Variants in ZNF527 observed in about 807,000 individuals in gnomAD.
The protein encoded by ZNF527 is zinc finger protein 527.
A neutral mutation model predicts 13.5 loss-of-function variants in ZNF527; 5 were observed. The ratio of observed to expected loss-of-function variants is 0.37; its 90% CI spans 0.19 to 0.78. The LOEUF is 0.78. Ranked by LOEUF, ZNF527 falls within the 30% of genes least tolerant of loss-of-function variation. The pLI is 0.48. For synonymous variants in ZNF527, 209 were observed against 243.1 expected (o/e 0.86, Z 1.30); for missense variants, 628 against 726.4 (o/e 0.86, Z 1.56).
intron 3 of ZNF527, 117 bp downstream of exon 3, chr19:37,379,363 C>A: frequency 1.1e-6 from 1 of 949,522 alleles, no homozygotes; most frequent in Non-Finnish European, 1.5e-6. Flanking sequence ...TGCCTTTCTA[C>A]TTCCTGTTCC....
intron 4 of ZNF527, among the ~76,000 whole-genome samples, chr19:37,386,901 G>A (rs915108947): frequency 2.0e-5 from 3 of 152,216 alleles, no homozygotes; most frequent in Non-Finnish European, 4.4e-5. Context: ...AACAGAAGTA[G>A]TTGTATTTCT....
rs74923218 is a variant in ZNF527, at chr19:37,391,569, C to CAA, written c.*1711_*1712dup. On this transcript the variant is annotated 3_prime_UTR_variant, in exon 5 of 5. Coordinates refer to ENST00000436120, the MANE Select transcript of ZNF527 (RefSeq NM_032453.2). ...GGGCAACAAGAGCGAAACTCCTTCT[C>CAA]AAAAAAAAAAAAAAAAAAAAAATAA... The CAA allele has an allele frequency of 6.9e-6, 1 of 145,450 alleles. No individual in the cohort carries two copies. The highest frequency in any genetic ancestry group is 1.5e-5 in the Non-Finnish European group (1 of 66,612). The allele number at this position is 145,450 out of a possible 1,614,324, so 9.0% of individuals were successfully genotyped here.
In ZNF527 at chr19:37,389,779, C is replaced by G. The variant is rs762082534; in HGVS notation, c.1730C>G (p.Ala577Gly). 17 of 1,613,622 alleles carry G rather than the reference C, an allele frequency of 1.1e-5. No individual in the cohort carries two copies. In the South Asian group the frequency reaches 1.9e-4, roughly 18 times the overall value. ...LSLRLHQRIH[A>G]GEKPYKCNEC... Reference sequence around the variant, plus strand: ...CTAAGACTACACCAGAGAATTCACGCTGGAGAAAAACCTTATAAATGTAAC... The same window carrying G: ...CTAAGACTACACCAGAGAATTCACGGTGGAGAAAAACCTTATAAATGTAAC... Residue 577 changes from alanine (A) to glycine (G), a missense_variant, in exon 5 of 5, where the codon GCT becomes GGT. By Grantham distance (60) the Ala-to-Gly change is moderately conservative. Transcript: ENST00000436120.
In ZNF527 at chr19:37,389,777, CG is replaced by C. The variant is rs761364610; in HGVS notation, c.1729del (p.Ala577LeufsTer51). Reference protein sequence around the residue: ...LSLRLHQRIHAGEKPYKCNEC... With the variant: ...LSLRLHQRIHXGEKPYKCNEC... ...CCCTAAGACTACACCAGAGAATTCA[CG>C]CTGGAGAAAAACCTTATAAATGTAA... is the stretch of plus-strand genomic sequence containing the variant. On this transcript the variant is annotated frameshift_variant, in exon 5 of 5. Transcript: ENST00000436120. LOFTEE classifies it low-confidence loss of function (END_TRUNC). The C allele has an allele frequency of 2.0e-5, 32 of 1,613,414 alleles. 1 individual carries two copies. In the South Asian group the frequency reaches 3.2e-4, roughly 16 times the overall value.
At chr19:37,386,140 C>CTTTTTTTTTTTTTTTTTTTTTTTTT (rs1050024983) in intron 4 of ZNF527, among the ~76,000 whole-genome samples, 13 of 72,456 alleles carry the variant, frequency 1.8e-4, no homozygotes, top group Non-Finnish European at 2.3e-4. Flanking sequence ...TCTTCTTTTC[C>CTTTTTTTTTTTTTTTTTTTTTTTTT]TTTTTTTTTT....
intron 4 of ZNF527, among the ~76,000 whole-genome samples, chr19:37,386,510 C>A (rs1395638598): frequency 6.6e-6 from 1 of 152,138 alleles, no homozygotes; most frequent in Non-Finnish European, 1.5e-5. Context: ...AGCCACTAGC[C>A]ACATTTAGCT....
At chr19:37,387,309 C>T (rs940740287) in intron 4 of ZNF527, among the ~76,000 whole-genome samples, 9 of 152,230 alleles carry the variant, frequency 5.9e-5, no homozygotes, top group Admixed American at 3.9e-4. Flanking sequence ...TCATATTCTC[C>T]GAGAATTATT....
At chr19:37,388,216 C>T (rs2040715700) in intron 4 of ZNF527, 90 bp from the exon 5 acceptor site, 1 of 1,457,350 alleles carries the variant, frequency 6.9e-7, no homozygotes, top group Non-Finnish European at 9.3e-7. Flanking sequence ...CCTCCTTCCC[C>T]CCAGTTAAAT....
chr19:37,376,440 A>C (rs2040608319), intron 2 of ZNF527, among the ~76,000 whole-genome samples: 1 of 152,082 alleles, frequency 6.6e-6, no homozygotes, highest in Admixed American at 6.6e-5. Flanking sequence ...TTGGGAGGCT[A>C]AGGCAGGTGG....
chr19:37,382,316 GA>G (rs1208967628), intron 4 of ZNF527, among the ~76,000 whole-genome samples: 1 of 151,646 alleles, frequency 6.6e-6, no homozygotes, highest in Non-Finnish European at 1.5e-5. Flanking sequence ...TAGATAGATA[GA>G]TAGATAGATA....
chr19:37,374,202 G>T lies in ZNF527; in HGVS notation c.4G>T (p.Ala2Ser). 1.2e-6 allele frequency: 2 copies of T among 1,614,010 alleles called. No individual in the cohort carries two copies. Among genetic ancestry groups the T allele is most frequent in the Non-Finnish European group, 1.7e-6 (2 of 1,179,956 alleles). Residue 2 changes from alanine (A) to serine (S), a missense_variant, in exon 2 of 5, where the codon GCT (alanine) becomes TCT (serine). Transcript: ENST00000436120. M[A>S]VGLCKAMSQG... The stretch of plus-strand genomic sequence containing the variant: ...AGAGAAAACTGAAGAAGGAGGAATG[G>T]CTGTGGGGCTTTGTAAAGCCATGTC...
At chr19:37,383,812 C>T (rs1372644352) in intron 4 of ZNF527, among the ~76,000 whole-genome samples, 1 of 152,010 alleles carries the variant, frequency 6.6e-6, no homozygotes, top group East Asian at 1.9e-4. Flanking sequence ...GCTGGGAGTA[C>T]AGGCATGAGC....
At position 37,389,663 on chromosome 19, in the gene ZNF527, C is replaced by T. The variant is rs775499337; in HGVS notation, c.1614C>T (p.Gly538=). ...AATGTGGAAAGGCCTTCAGTTGTGGCTCATATCTTAATCAACATCAAAGAA... is the reference window on the plus strand; with the variant it reads ...AATGTGGAAAGGCCTTCAGTTGTGGTTCATATCTTAATCAACATCAAAGAA... ...CNKCGKAFSC[G]SYLNQHQRIH... The change falls in exon 5 of 5, where the codon GGC becomes GGT. Residue 538 remains glycine (G), a synonymous_variant. Transcript: ENST00000436120. 2 of 1,613,924 alleles carry T rather than the reference C, an allele frequency of 1.2e-6. No individual in the cohort carries two copies. The highest frequency in any genetic ancestry group is 1.3e-5 in the African/African-American group (1 of 74,998).
chr19:37,372,757 G>C (rs2040569619), intron 1 of ZNF527, among the ~76,000 whole-genome samples: 2 of 152,058 alleles, frequency 1.3e-5, no homozygotes, highest in African/African-American at 4.8e-5. Context: ...ACTGGTGTGA[G>C]CCACTGTGCC....
In ZNF527 at chr19:37,388,521, A is replaced by C; in HGVS notation, c.472A>C (p.Thr158Pro). ...AGTGACAGCTGTTAAGGAAATCTCTACTGGGAAAAGAGACAATGAATTTAG... is the reference window on the plus strand; with the variant it reads ...AGTGACAGCTGTTAAGGAAATCTCTCCTGGGAAAAGAGACAATGAATTTAG... ...MQVTAVKEIS[T>P]GKRDNEFSNS... Residue 158 changes from threonine (T) to proline (P), a missense_variant, in exon 5 of 5, where the codon ACT becomes CCT. By Grantham distance (38) the Thr-to-Pro change is conservative. This residue lies in a region of ZNF527 where 592 missense variants were observed against 678.0 expected (regional missense o/e 0.87). Transcript: ENST00000436120. The C allele has an allele frequency of 1.2e-6, 2 of 1,614,178 alleles. No homozygotes were observed. The highest frequency in any genetic ancestry group is 2.7e-5 in the African/African-American group (2 of 75,060).
intron 1 of ZNF527, among the ~76,000 whole-genome samples, chr19:37,371,469 CTG>C (rs1288031955): frequency 6.6e-6 from 1 of 152,038 alleles, no homozygotes; most frequent in African/African-American, 2.4e-5. Context: ...GGGGGTGAAA[CTG>C]TGAATATGTG....
chr19:37,375,964 C>T (rs1391727758), intron 2 of ZNF527, among the ~76,000 whole-genome samples: 1 of 152,146 alleles, frequency 6.6e-6, no homozygotes, highest in Non-Finnish European at 1.5e-5. Flanking sequence ...GATTTGGTAA[C>T]ATGGAAATAT....
At chr19:37,383,903 A>G (rs1418520466) in intron 4 of ZNF527, among the ~76,000 whole-genome samples, 2 of 152,190 alleles carry the variant, frequency 1.3e-5, no homozygotes, top group African/African-American at 4.8e-5. Context: ...GAGTTTTACT[A>G]TATAAACCAA....
chr19:37,380,472 A>G (rs972543530), intron 4 of ZNF527, 100 bp downstream of exon 4: 3 of 947,342 alleles, frequency 3.2e-6, no homozygotes, highest in Non-Finnish European at 4.8e-6. Context: ...GAGAACTGAA[A>G]TCTCCATAGT....
Sources: allele counts gnomAD v4.1 joint callset (sites outside exome capture counted in the v4.1 genomes callset), GRCh38; gene constraint gnomAD v4.1.1; regional missense constraint gnomAD v4.1.1; transcripts MANE v1.5; gene names NCBI Gene and HGNC (gene_info 2026-07-23, HGNC 2026-07-21).